The following BSPRY variants were observed in gnomAD, a reference collection of about 807,000 sequenced individuals.
BSPRY encodes B box and SPRY domain-containing protein.
BSPRY carries 33 observed loss-of-function variants against 38.0 expected under a neutral mutation model. The ratio of observed to expected loss-of-function variants is 0.87; its 90% CI spans 0.66 to 1.16. The LOEUF is 1.16. BSPRY is among the 50% of genes most tolerant of loss of function. The pLI is 0.00. For missense variants in BSPRY, 523 were observed against 533.2 expected, an observed-to-expected ratio of 0.98 and a Z score of 0.19; for synonymous variants, 224 against 228.5, an observed-to-expected ratio of 0.98 and a Z score of 0.18.
In BSPRY at chr9:113,369,762, G is replaced by T; in HGVS notation, c.829G>T (p.Ala277Ser). 1 of 1,614,200 alleles carries T rather than the reference G, an allele frequency of 6.2e-7. No individual in the cohort carries two copies. Among genetic ancestry groups the T allele is most frequent in the Non-Finnish European group, 8.5e-7 (1 of 1,180,022 alleles). The change falls in exon 6 of 6, where the codon GCT becomes TCT. Residue 277 changes from alanine (A) to serine (S), a missense_variant. Transcript: ENST00000374183. ...CTTCGACCACTGGCCCAATGCCCTGGCTGCCACCTCCTTCCAGAATGGGCT... is the reference window on the plus strand; with the variant it reads ...CTTCGACCACTGGCCCAATGCCCTGTCTGCCACCTCCTTCCAGAATGGGCT... ...ERFDHWPNAL[A>S]ATSFQNGLHA...
rs1049319210 is a variant in BSPRY at position 113,360,726 on chromosome 9, C to T, written c.520C>T (p.Leu174Phe). 3.8e-6 allele frequency: 6 copies of T among 1,588,132 alleles called. No individual in the cohort carries two copies. Among genetic ancestry groups the T allele is most frequent in the Non-Finnish European group, 5.1e-6 (6 of 1,167,996 alleles). The change falls in exon 3 of 6, where the codon CTC becomes TTC. Residue 174 changes from leucine (L) to phenylalanine (F), a missense_variant. Transcript: ENST00000374183. ...LVGMLTHLDD[L>F]QLIQKEQEIF... ...GGGCATGCTTACTCACCTGGATGAC[C>T]TCCAGCTGATTGTAAGTCAGGCAAG...
chr9:113,355,144 G>A (rs935952871), intron 2 of BSPRY, among the ~76,000 whole-genome samples: 2 of 152,210 alleles, frequency 1.3e-5, no homozygotes, highest in African/African-American at 2.4e-5. Context: ...GGTGTGAGCC[G>A]CCATGCCTGG....
At chr9:113,352,480 G>GACACAC (rs139828518) in intron 1 of BSPRY, among the ~76,000 whole-genome samples, 274 of 149,872 alleles carry the variant, frequency 1.8e-3, no homozygotes, top group Non-Finnish European at 2.7e-3. Context: ...TGGGGAGTGA[G>GACACAC]ACACACACAC....
chr9:113,353,159 G>A (rs1284983022), intron 1 of BSPRY, among the ~76,000 whole-genome samples: 2 of 152,126 alleles, frequency 1.3e-5, no homozygotes, highest in Non-Finnish European at 2.9e-5. Flanking sequence ...GGGCTGAGGC[G>A]GGAGGATTGC....
rs778078570 is a variant in BSPRY at position 113,370,116 on chromosome 9, G to A, written c.1183G>A (p.Asp395Asn). 22 of 1,588,844 alleles carry A rather than the reference G, an allele frequency of 1.4e-5. No individual in the cohort carries two copies. The highest frequency in any genetic ancestry group is 3.4e-4 in the Middle Eastern group (2 of 5,904). The stretch of plus-strand genomic sequence containing the variant: ...CCTCTTCCCAGTCTTTGCTGTGGCC[G>A]ATCAGACCATTTCTATCGTCCGCTG... The part of the protein sequence containing the change: ...GPLFPVFAVA[D>N]QTISIVR The change falls in exon 6 of 6, where the codon GAT becomes AAT. Residue 395 changes from aspartate (D) to asparagine (N), a missense_variant. By Grantham distance (23) the Asp-to-Asn change is conservative. Coordinates refer to ENST00000374183, the MANE Select transcript of BSPRY (RefSeq NM_017688.3). The surrounding 1 kb of genome is among the most constrained non-coding windows in gnomAD (Gnocchi z 4.8).
chr9:113,368,420 T>G (rs756252679), intron 5 of BSPRY, 37 bp downstream of exon 5: 1 of 1,602,612 alleles, frequency 6.2e-7, no homozygotes, highest in Admixed American at 1.7e-5. Context: ...TTAGGACAAC[T>G]GGGCTTCTGT....
chr9:113,357,113 C>T (rs1388354549), intron 2 of BSPRY, among the ~76,000 whole-genome samples: 1 of 152,140 alleles, frequency 6.6e-6, no homozygotes, highest in Admixed American at 6.5e-5. Flanking sequence ...ACTTCACCTC[C>T]TATTGAGAAG....
At chr9:113,369,169 G>T (rs565020048) in intron 5 of BSPRY, among the ~76,000 whole-genome samples, 1 of 152,224 alleles carries the variant, frequency 6.6e-6, no homozygotes, top group South Asian at 2.1e-4. Context: ...GTGTTTCTAG[G>T]ACACGTCCAA....
At chr9:113,353,795 A>G (rs1254597027) in intron 1 of BSPRY, among the ~76,000 whole-genome samples, 1 of 152,240 alleles carries the variant, frequency 6.6e-6, no homozygotes, top group African/African-American at 2.4e-5. Context: ...CACTTAGAGA[A>G]TGTGCAGTTC....
rs1834136971 is a variant in BSPRY, at chr9:113,360,636, CTGACACAGCGGG to C, written c.433_444del (p.Thr145_Val148del). ...AGAGGAGCGGGCCCACCAGAGCATCCTGACACAGCGGGTGCACTGGGCCGAGGCGCTGCAGAA... is the reference window on the plus strand; with the variant it reads ...AGAGGAGCGGGCCCACCAGAGCATCCTGCACTGGGCCGAGGCGCTGCAGAA... On this transcript the variant is annotated inframe_deletion, in exon 3 of 6. Transcript: ENST00000374183. The C allele has an allele frequency of 6.2e-7, 1 of 1,609,292 alleles. No individual in the cohort carries two copies. Among genetic ancestry groups the C allele is most frequent in the African/African-American group, 1.3e-5 (1 of 74,858 alleles).
Position 113,370,060 on chromosome 9 carries a change from T to C in BSPRY, c.1127T>C (p.Leu376Pro). 6.2e-7 allele frequency: 1 copy of C among 1,613,834 alleles called. No homozygotes were observed. ...TATGAGCCAGCCTCCGGCACAGTGC[T>C]CTGTGCCCATCATGTGTCCTTCCCG... ...LFYEPASGTVLCAHHVSFPGP... is the reference protein window; with the variant it reads ...LFYEPASGTVPCAHHVSFPGP... The change falls in exon 6 of 6, where the codon CTC becomes CCC. Residue 376 changes from leucine to proline, a missense_variant. By Grantham distance (98) the Leu-to-Pro change is moderately conservative (BLOSUM62 -3). Transcript: ENST00000374183. This position sits in a 1 kb window ranked among gnomAD's most constrained non-coding sequence, Gnocchi z 4.8.
intron 2 of BSPRY, among the ~76,000 whole-genome samples, chr9:113,359,633 G>A (rs1226392646): frequency 6.6e-6 from 1 of 152,228 alleles, no homozygotes; most frequent in East Asian, 1.9e-4. Context: ...GTGGCATCTG[G>A]TGTAGGGGAA....
At chr9:113,366,280 A>G (rs761911729) in intron 4 of BSPRY, among the ~76,000 whole-genome samples, 1 of 152,216 alleles carries the variant, frequency 6.6e-6, no homozygotes, top group South Asian at 2.1e-4. Flanking sequence ...AGCCCATACT[A>G]CTATTGAAAG....
At chr9:113,362,438 C>A (rs1260879705) in intron 4 of BSPRY, 44 bp downstream of exon 4, 2 of 1,594,484 alleles carry the variant, frequency 1.3e-6, no homozygotes, top group Non-Finnish European at 1.7e-6. Flanking sequence ...CTTGGAGACC[C>A]TTAGACCTCT....
intron 3 of BSPRY, 69 bp from the exon 4 acceptor site, chr9:113,362,300 A>G: frequency 1.3e-6 from 2 of 1,571,110 alleles, no homozygotes; most frequent in Non-Finnish European, 1.8e-6. Context: ...TGGTAGTTAA[A>G]TCTGTCTTAG....
intron 3 of BSPRY, among the ~76,000 whole-genome samples, chr9:113,361,659 G>A (rs950311164): frequency 6.6e-6 from 1 of 152,190 alleles, no homozygotes; most frequent in Non-Finnish European, 1.5e-5. Flanking sequence ...CAAAGGAAGT[G>A]AGGAGGTGGA....
At chr9:113,369,497 A>T (rs1472371615) in intron 5 of BSPRY, 119 bp from the exon 6 acceptor site, 1 of 1,021,210 alleles carries the variant, frequency 9.8e-7, no homozygotes, top group African/African-American at 1.6e-5. Flanking sequence ...GCTCAGAGAG[A>T]GTAAATGGCT....
At chr9:113,369,578 G>A in intron 5 of BSPRY, 38 bp from the exon 6 acceptor site, 2 of 1,570,322 alleles carry the variant, frequency 1.3e-6, no homozygotes, top group Non-Finnish European at 8.6e-7. Flanking sequence ...TTAGGGCAGG[G>A]GTGGGCCCTC....
intron 2 of BSPRY, among the ~76,000 whole-genome samples, chr9:113,357,773 A>G (rs1462878591): frequency 2.0e-5 from 3 of 150,568 alleles, no homozygotes; most frequent in East Asian, 4.0e-4. Context: ...CAGTGGCGCA[A>G]TCATAGCTCA....
Sources: allele counts gnomAD v4.1 joint callset (sites outside exome capture counted in the v4.1 genomes callset), GRCh38; gene constraint gnomAD v4.1.1; non-coding constraint Gnocchi (gnomAD v3.1); transcripts MANE v1.5; gene names NCBI Gene and HGNC (gene_info 2026-07-23, HGNC 2026-07-21).